Variants in EYS observed in about 807,000 individuals in gnomAD.
EYS encodes protein eyes shut homolog.
In EYS, 250 loss-of-function variants were observed where a neutral mutation model predicts 282.1. That is an observed-to-expected ratio of 0.89 (90% CI 0.80 to 0.98). The LOEUF is 0.98. EYS is among the 50% of genes least tolerant of loss of function. EYS has a pLI of 0.00. For synonymous variants in EYS, 1,355 were observed against 1,282.9 expected (o/e 1.06, Z -1.20); for missense variants, 4,016 against 3,709.0 (o/e 1.08, Z -2.15).
At chr6:64,267,404 T>C (rs1488775551) in intron 30 of EYS, among the ~76,000 whole-genome samples, 1 of 152,082 alleles carries the variant, frequency 6.6e-6, no homozygotes, top group Non-Finnish European at 1.5e-5. Flanking sequence ...ACTTCACCTC[T>C]CTTCCTAGCC....
intron 35 of EYS, among the ~76,000 whole-genome samples, chr6:63,967,643 T>G (rs754464904): frequency 1.3e-5 from 2 of 152,210 alleles, no homozygotes; most frequent in African/African-American, 2.4e-5. Context: ...CATTTGGTTC[T>G]GAATCTCACT....
At chr6:64,357,111 T>C (rs752471147) in intron 29 of EYS, among the ~76,000 whole-genome samples, 10 of 151,632 alleles carry the variant, frequency 6.6e-5, no homozygotes, top group Admixed American at 1.3e-4. Flanking sequence ...AATAAGTGGG[T>C]GACATTAAGT....
intron 2 of EYS, among the ~76,000 whole-genome samples, chr6:65,512,492 C>CAAAAAAAAAAAAAAAAAA (rs71002313): frequency 8.5e-6 from 1 of 117,818 alleles, no homozygotes. Context: ...GACTCTATCT[C>CAAAAAAAAAAAAAAAAAA]AAAAAAAAAA....
chr6:64,742,259 A>G (rs1772400498), intron 22 of EYS, among the ~76,000 whole-genome samples: 1 of 152,174 alleles, frequency 6.6e-6, no homozygotes, highest in Non-Finnish European at 1.5e-5. Flanking sequence ...GTCAGAACAC[A>G]CATTTACTGA....
intron 26 of EYS, among the ~76,000 whole-genome samples, chr6:64,534,691 T>A (rs1764464053): frequency 6.6e-6 from 1 of 152,200 alleles, no homozygotes; most frequent in African/African-American, 2.4e-5. Flanking sequence ...AATTTGGCTG[T>A]TCCAATTAAT....
intron 14 of EYS, among the ~76,000 whole-genome samples, chr6:64,983,746 T>C (rs1770759159): frequency 6.6e-6 from 1 of 151,300 alleles, no homozygotes; most frequent in Non-Finnish European, 1.5e-5. Context: ...TTTTTTCTGC[T>C]AAGTTTTAAG....
At chr6:65,329,699 G>A in intron 11 of EYS, 1 of 978,742 alleles carries the variant, frequency 1.0e-6, no homozygotes, top group Non-Finnish European at 1.2e-6. Flanking sequence ...TAAAATCACG[G>A]ACATCACGGC....
intron 2 of EYS, among the ~76,000 whole-genome samples, chr6:65,622,071 CTT>C (rs1200484781): frequency 1.3e-5 from 2 of 152,112 alleles, no homozygotes; most frequent in African/African-American, 4.8e-5. Flanking sequence ...AACTGAACAA[CTT>C]TTCCAGTTTA....
chr6:63,834,823 C>T (rs190176816), intron 36 of EYS, among the ~76,000 whole-genome samples: 131 of 151,818 alleles, frequency 8.6e-4, no homozygotes, highest in Middle Eastern at 6.8e-3. Flanking sequence ...CAATGATAGA[C>T]TAGATTAAGA....
chr6:65,580,802 G>A (rs1764839245), intron 2 of EYS, among the ~76,000 whole-genome samples: 2 of 151,946 alleles, frequency 1.3e-5, no homozygotes, highest in Non-Finnish European at 2.9e-5. Flanking sequence ...AATTTATAAT[G>A]TTAAATACTT....
intron 12 of EYS, among the ~76,000 whole-genome samples, chr6:65,276,937 C>A (rs766358797): frequency 1.2e-4 from 19 of 152,094 alleles, no homozygotes; most frequent in Non-Finnish European, 2.5e-4. Context: ...ATTTCCTGGT[C>A]ATGTAACATA....
At chr6:63,876,084 T>G (rs1413931793) in intron 35 of EYS, among the ~76,000 whole-genome samples, 1 of 152,236 alleles carries the variant, frequency 6.6e-6, no homozygotes, top group Non-Finnish European at 1.5e-5. Context: ...TTTTAGATCT[T>G]TCCTGCTTTC....
At chr6:65,070,904 T>A (rs1025560440) in intron 12 of EYS, among the ~76,000 whole-genome samples, 6 of 151,918 alleles carry the variant, frequency 3.9e-5, no homozygotes, top group Non-Finnish European at 8.8e-5. Flanking sequence ...CATAGTATAA[T>A]AATAAACTCA....
chr6:64,830,012 T>C (rs1765169194), intron 19 of EYS, among the ~76,000 whole-genome samples: 1 of 151,946 alleles, frequency 6.6e-6, no homozygotes, highest in African/African-American at 2.4e-5. Context: ...CTTATTGTGA[T>C]ATGGACTGAA....
chr6:64,645,799 C>T (rs1435504160), intron 22 of EYS, among the ~76,000 whole-genome samples: 7 of 151,988 alleles, frequency 4.6e-5, no homozygotes, highest in Non-Finnish European at 7.4e-5. Context: ...TCTTTTATTG[C>T]TATGATTGTT....
At chr6:64,222,826 C>G (rs1215430822) in intron 31 of EYS, among the ~76,000 whole-genome samples, 2 of 151,896 alleles carry the variant, frequency 1.3e-5, no homozygotes, top group Non-Finnish European at 2.9e-5. Flanking sequence ...GGACAATAGG[C>G]TGATTACAAA....
chr6:64,170,007 C>T (rs1292706074), intron 31 of EYS, among the ~76,000 whole-genome samples: 2 of 152,052 alleles, frequency 1.3e-5, no homozygotes, highest in East Asian at 1.9e-4. Flanking sequence ...ATACTATACA[C>T]CTTATATTTG....
At chr6:65,371,264 T>C (rs1447558868) in intron 8 of EYS, among the ~76,000 whole-genome samples, 1 of 151,724 alleles carries the variant, frequency 6.6e-6, no homozygotes, top group Non-Finnish European at 1.5e-5. Context: ...TAATGTAAAG[T>C]ATATGGGAGG....
intron 11 of EYS, among the ~76,000 whole-genome samples, chr6:65,299,986 A>G (rs137898808): frequency 3.3e-5 from 5 of 152,264 alleles, no homozygotes; most frequent in African/African-American, 9.6e-5. Context: ...TTATATAATT[A>G]TGTGTTTAGT....
Sources: allele counts gnomAD v4.1 joint callset (sites outside exome capture counted in the v4.1 genomes callset), GRCh38; gene constraint gnomAD v4.1.1; transcripts MANE v1.5; gene names NCBI Gene and HGNC (gene_info 2026-07-23, HGNC 2026-07-21).